CASTOR2: variants seen among roughly 807,000 people sequenced by gnomAD.
CASTOR2 encodes the protein cytosolic arginine sensor for mTORC1 subunit 2, also known as GATS protein like 2.
CASTOR2 carries 8 observed loss-of-function variants against 31.2 expected under a neutral mutation model. The observed-to-expected ratio is 0.26, with a 90% confidence interval of 0.15 to 0.46. The LOEUF (loss-of-function observed/expected upper bound fraction) is 0.46. CASTOR2 is among the 20% of genes least tolerant of loss of function. The pLI is 0.99. For missense variants in CASTOR2, 216 were observed against 382.1 expected (o/e 0.57, Z 3.62); for synonymous variants, 162 against 158.7 (o/e 1.02, Z -0.16).
At chr7:75,002,708 C>G (rs1804524332) in intron 1 of CASTOR2, among the ~76,000 whole-genome samples, 1 of 152,074 alleles carries the variant, frequency 6.6e-6, no homozygotes, top group Non-Finnish European at 1.5e-5. Flanking sequence ...AAGAGGGAGA[C>G]AAGACAGGAG....
intron 1 of CASTOR2, among the ~76,000 whole-genome samples, chr7:75,000,052 C>T (rs1258676476): frequency 5.3e-5 from 8 of 152,136 alleles, no homozygotes; most frequent in Non-Finnish European, 1.2e-4. Flanking sequence ...TATAGCAAGA[C>T]CCCGTCTCCA....
Position 75,027,818 on chromosome 7 carries a change from T to C in CASTOR2, c.*3119T>C. On this transcript the variant is annotated 3_prime_UTR_variant, in exon 9 of 9. Coordinates refer to ENST00000616305, the MANE Select transcript of CASTOR2 (RefSeq NM_001145064.3). ...GTTCTGTGTGTAGCGTAGTCTTGGTTTGGTCTCCACAGCTCTTCGGGGTGG... is the reference window on the plus strand; with the variant it reads ...GTTCTGTGTGTAGCGTAGTCTTGGTCTGGTCTCCACAGCTCTTCGGGGTGG... 1.6e-6 allele frequency: 1 copy of C among 621,888 alleles called. No individual in the cohort carries two copies. The highest frequency in any genetic ancestry group is 2.9e-6 in the Non-Finnish European group (1 of 349,864). 38.5% of individuals were successfully genotyped at this position (621,888 alleles called of 1,614,324 possible). A position where few individuals can be genotyped will look rare whatever the true frequency, so the allele number is the denominator to read the frequency against.
intron 2 of CASTOR2, among the ~76,000 whole-genome samples, chr7:75,010,569 C>A (rs1391370231): frequency 6.6e-6 from 1 of 152,144 alleles, no homozygotes; most frequent in East Asian, 1.9e-4. Context: ...AATCCCTCGA[C>A]CCTGCCATTC....
intron 7 of CASTOR2, among the ~76,000 whole-genome samples, chr7:75,022,560 T>C (rs1459638412): frequency 1.2e-5 from 1 of 86,932 alleles, no homozygotes; most frequent in Non-Finnish European, 2.5e-5. Context: ...CCCAGGTCTT[T>C]GGGAGGCCGA....
chr7:75,007,933 C>T lies in CASTOR2; in HGVS notation c.114-61C>T, dbSNP rs1382610034. Reference sequence around the variant, plus strand: ...TCATCATCCCCAGGGCACGGGTGGGCAGCTGCCCCAGGGGACCTGCCTGGA... The same window carrying T: ...TCATCATCCCCAGGGCACGGGTGGGTAGCTGCCCCAGGGGACCTGCCTGGA... On this transcript the variant is annotated intron_variant, in intron 1 of 8. Transcript: ENST00000616305. 23 of 1,612,634 alleles carry T rather than the reference C, an allele frequency of 1.4e-5. No homozygotes were observed. The East Asian group carries it at 4.2e-4, about 30-fold the overall frequency.
chr7:75,003,386 G>A (rs1319413620), intron 1 of CASTOR2, among the ~76,000 whole-genome samples: 7 of 151,716 alleles, frequency 4.6e-5, no homozygotes, highest in Non-Finnish European at 1.0e-4. Flanking sequence ...AGGAGGCAAG[G>A]CCACAGTGAG....
chr7:75,018,949 C>T (rs1804930408), intron 4 of CASTOR2, 23 bp from the exon 5 acceptor site: 1 of 1,551,746 alleles, frequency 6.4e-7, no homozygotes, highest in Admixed American at 2.0e-5. Context: ...GCCTCAGTGC[C>T]TGACATCTTT....
Position 75,021,820 on chromosome 7 carries a change from G to A in CASTOR2, c.747-54G>A, listed in dbSNP as rs1805012227. On this transcript the variant is annotated intron_variant, in intron 6 of 8. Coordinates refer to ENST00000616305, the MANE Select transcript of CASTOR2 (RefSeq NM_001145064.3). ...CTGGCTGGTGCACCAGCACACCAAG[G>A]AGGGAGTGCAATTCACATCAGCCTC... 5 of 1,543,766 alleles carry A rather than the reference G, an allele frequency of 3.2e-6. No individual in the cohort carries two copies. The East Asian group carries it at 9.8e-5, about 30-fold the overall frequency.
chr7:75,028,030 A>C lies in CASTOR2; in HGVS notation c.*3331A>C. The C allele has an allele frequency of 1.3e-6, 2 of 1,534,602 alleles. No homozygotes were observed. The highest frequency in any genetic ancestry group is 1.7e-6 in the Non-Finnish European group (2 of 1,146,690). ...TGTTTGCCGTCCATCCCCCGGAGGT[A>C]ATCAGAGGAGTGGGCCTGTTGTCTT... On this transcript the variant is annotated 3_prime_UTR_variant, in exon 9 of 9. Transcript: ENST00000616305.
intron 2 of CASTOR2, among the ~76,000 whole-genome samples, chr7:75,013,546 G>A (rs1215481708): frequency 1.3e-5 from 2 of 152,080 alleles, no homozygotes; most frequent in African/African-American, 2.4e-5. Flanking sequence ...GGTGGGCTGC[G>A]GTGGGAGGAT....
At chr7:75,018,395 T>A (rs1248257362) in intron 4 of CASTOR2, among the ~76,000 whole-genome samples, 1 of 152,030 alleles carries the variant, frequency 6.6e-6, no homozygotes, top group African/African-American at 2.4e-5. Flanking sequence ...CAAAATTAGC[T>A]GGGTGTGGTG....
rs1359227522 is a variant in CASTOR2, at chr7:75,030,182, T to TG, written c.*5488dup. Among the ~76,000 whole-genome samples the TG allele has an allele frequency of 5.3e-5, 8 of 151,604 alleles. No individual in the cohort carries two copies. The highest frequency in any genetic ancestry group is 1.9e-4 in the African/African-American group (8 of 41,342). On this transcript the variant is annotated 3_prime_UTR_variant, in exon 9 of 9. Transcript: ENST00000616305. The stretch of plus-strand genomic sequence containing the variant: ...TGCAGGGTGGCCTGTGTGCTAGGAG[T>TG]GGGGGTGCAGGCCTAGGTGTGTTTA...
At chr7:74,983,449 GT>G (rs1158132206) in intron 1 of CASTOR2, among the ~76,000 whole-genome samples, 1 of 145,052 alleles carries the variant, frequency 6.9e-6, no homozygotes, top group Non-Finnish European at 1.5e-5. Context: ...AATTAGCCTG[GT>G]TTAACTGCGT....
At chr7:74,975,835 G>A (rs1387186210) in intron 1 of CASTOR2, among the ~76,000 whole-genome samples, 1 of 124,882 alleles carries the variant, frequency 8.0e-6, no homozygotes, top group Non-Finnish European at 1.7e-5. Context: ...GATGGCTTCT[G>A]CGTGGTGCTC....
chr7:74,999,141 G>C (rs1157023156), intron 1 of CASTOR2, among the ~76,000 whole-genome samples: 3 of 151,658 alleles, frequency 2.0e-5, no homozygotes, highest in Non-Finnish European at 2.9e-5. Flanking sequence ...GACTACAGGC[G>C]CCCGCCACCA....
rs879121750 is a variant in CASTOR2 at position 75,026,189 on chromosome 7, G to GTTTTTTT, written c.*1501_*1507dup. ...CCCTGTGGTTTTGGCTCTGGCGGGG[G>GTTTTTTT]TTTTTTTTTTTTTTTTTGAGATGGG... On this transcript the variant is annotated 3_prime_UTR_variant, in exon 9 of 9. Transcript: ENST00000616305. Among the ~76,000 whole-genome samples the GTTTTTTT allele has an allele frequency of 4.0e-4, 47 of 117,712 alleles. 4 individuals are homozygous for GTTTTTTT. Among genetic ancestry groups the GTTTTTTT allele is most frequent in the South Asian group, 8.3e-4 (3 of 3,612 alleles). 77.2% of individuals were successfully genotyped at this position (117,712 alleles called of 152,430 possible). A position where few individuals can be genotyped will look rare whatever the true frequency, so the allele number is the denominator to read the frequency against.
rs587673761 is a variant in CASTOR2 at position 74,970,046 on chromosome 7, G to A, written c.113+4948G>A. ...GGGATTTGAACCAGGTCCCGTCTCC[G>A]CTGCGTGTAGCACCCTGCTTTGTAG... is the stretch of plus-strand genomic sequence containing the variant. On this transcript the variant is annotated intron_variant, in intron 1 of 8. Transcript: ENST00000616305. Among the ~76,000 whole-genome samples the A allele has an allele frequency of 4.0e-5, 6 of 149,922 alleles. No homozygotes were observed. In the South Asian group the frequency reaches 8.6e-4, roughly 22 times the overall value.
intron 2 of CASTOR2, among the ~76,000 whole-genome samples, chr7:75,015,392 C>T (rs1467995670): frequency 1.3e-5 from 2 of 152,194 alleles, no homozygotes; most frequent in Non-Finnish European, 2.9e-5. Context: ...ACCTCAACCT[C>T]CCAAGTGGCT....
intron 7 of CASTOR2, 22 bp downstream of exon 7, chr7:75,021,978 T>C: frequency 6.4e-7 from 1 of 1,551,356 alleles, no homozygotes; most frequent in Middle Eastern, 1.7e-4. Context: ...GGGGATTACA[T>C]GGGGAATTGA....
Sources: allele counts gnomAD v4.1 joint callset (sites outside exome capture counted in the v4.1 genomes callset), GRCh38; gene constraint gnomAD v4.1.1; transcripts MANE v1.5; gene names NCBI Gene and HGNC (gene_info 2026-07-23, HGNC 2026-07-21).